The following SLC31A2 variants were observed in gnomAD, a reference collection of about 807,000 sequenced individuals.
The protein encoded by SLC31A2 is protein SLC31A2.
SLC31A2 carries 16 observed loss-of-function variants against 14.4 expected under a neutral mutation model. The ratio of observed to expected loss-of-function variants is 1.11; its 90% CI spans 0.75 to 1.69. SLC31A2 has a LOEUF of 1.69. SLC31A2 is among the 40% of genes most tolerant of loss of function. The probability of loss-of-function intolerance (pLI) is 0.00; values close to 1 mark genes in which losing one functional copy is unlikely to be tolerated. For synonymous variants in SLC31A2, 56 were observed against 68.7 expected, an observed-to-expected ratio of 0.82 and a Z score of 0.91; for missense variants, 140 against 173.9, an observed-to-expected ratio of 0.81 and a Z score of 1.10.
intron 2 of SLC31A2, 39 bp from the exon 3 acceptor site, chr9:113,161,470 G>A: frequency 1.3e-6 from 2 of 1,598,704 alleles, no homozygotes; most frequent in Non-Finnish European, 1.7e-6. Context: ...AAACAGTGCT[G>A]GCCTGGCCAG....
Position 113,162,985 on chromosome 9 carries a change from C to A in SLC31A2, c.*68C>A. ...GCCCCCTCTTCCAGACACTATACTTCCAACTGCCCTTTCTTCTGATGGCTA... is the reference window on the plus strand; with the variant it reads ...GCCCCCTCTTCCAGACACTATACTTACAACTGCCCTTTCTTCTGATGGCTA... On this transcript the variant is annotated 3_prime_UTR_variant, in exon 4 of 4. Transcript: ENST00000259392. The A allele has an allele frequency of 7.3e-7, 1 of 1,368,868 alleles. No individual in the cohort carries two copies. The highest frequency in any genetic ancestry group is 9.8e-7 in the Non-Finnish European group (1 of 1,024,654). 84.8% of individuals were successfully genotyped at this position (1,368,868 alleles called of 1,614,324 possible).
Position 113,161,657 on chromosome 9 carries a change from T to C in SLC31A2, c.222T>C (p.Ser74=). 6.2e-7 allele frequency: 1 copy of C among 1,614,000 alleles called. No homozygotes were observed. Among genetic ancestry groups the C allele is most frequent in the Non-Finnish European group, 8.5e-7 (1 of 1,179,888 alleles). ...CCATCGCAGAGACAGACGGGGACTC[T>C]GCAGGCTCAGATTCATTCCCTGTTG... ...QQTIAETDGD[S]AGSDSFPVGR... Residue 74 remains serine, a synonymous_variant, in exon 3 of 4, where the codon TCT becomes TCC. Coordinates refer to ENST00000259392, the MANE Select transcript of SLC31A2 (RefSeq NM_001860.3).
intron 1 of SLC31A2, among the ~76,000 whole-genome samples, chr9:113,154,367 T>G (rs1273741034): frequency 2.6e-5 from 4 of 152,136 alleles, no homozygotes; most frequent in African/African-American, 4.8e-5. Flanking sequence ...ACGCAGCTGG[T>G]TCCTGGCAGA....
chr9:113,158,150 ACCTC>A (rs911845942), intron 2 of SLC31A2: 1 of 478,478 alleles, frequency 2.1e-6, no homozygotes, highest in Non-Finnish European at 4.3e-6. Flanking sequence ...GTCACCTGGC[ACCTC>A]CCTTATCCAG....
intron 2 of SLC31A2, among the ~76,000 whole-genome samples, chr9:113,158,609 G>C (rs7855105): frequency 0.32 from 48,235 of 152,096 alleles, 7,828 homozygotes; most frequent in Non-Finnish European, 0.33. Flanking sequence ...TGTTAGCTAG[G>C]ACCTCAGCTG....
intron 3 of SLC31A2, 107 bp from the exon 4 acceptor site, chr9:113,162,642 T>A (rs1830032408): frequency 9.7e-7 from 1 of 1,030,002 alleles, no homozygotes. Flanking sequence ...AAGTTATAAA[T>A]CAATCGGGTC....
At position 113,161,499 on chromosome 9, in the gene SLC31A2, C is replaced by T. The variant is rs1384438708; in HGVS notation, c.74-10C>T. On this transcript the variant is annotated splice_polypyrimidine_tract_variant and intron_variant, in intron 2 of 3. Transcript: ENST00000259392. ...TGGCCAGGTCTCCACAACTCTGCCT[C>T]CTTTGACAGGCATGGCCCTTTCGGT... The T allele has an allele frequency of 6.8e-6, 11 of 1,613,576 alleles. No homozygotes were observed. Among genetic ancestry groups the T allele is most frequent in the Non-Finnish European group, 9.3e-6 (11 of 1,179,734 alleles).
chr9:113,159,734 T>A (rs1369005261), intron 2 of SLC31A2, among the ~76,000 whole-genome samples: 2 of 152,212 alleles, frequency 1.3e-5, no homozygotes, highest in Non-Finnish European at 2.9e-5. Flanking sequence ...CCCACAAGGC[T>A]GCCCCCTGCT....
intron 2 of SLC31A2, among the ~76,000 whole-genome samples, chr9:113,158,355 G>C (rs770914957): frequency 6.6e-6 from 1 of 152,110 alleles, no homozygotes; most frequent in Admixed American, 6.6e-5. Context: ...CCATTATTGC[G>C]GGTGCAGATT....
rs1829861897 is a variant in SLC31A2 at position 113,151,370 on chromosome 9, AAGACAGC to A, written c.6+291_6+297del. Reference sequence around the variant, plus strand: ...CTTGAGAGTGGGGGCGCGGTGGCTGAAGACAGCTGGGTCCGGGGCCCCCGGCCCCGGA... The same window carrying A: ...CTTGAGAGTGGGGGCGCGGTGGCTGATGGGTCCGGGGCCCCCGGCCCCGGA... On this transcript the variant is annotated intron_variant, in intron 1 of 3. Transcript: ENST00000259392. This position sits in a 1 kb window ranked among gnomAD's most constrained non-coding sequence, Gnocchi z 4.2. 6.6e-6 allele frequency among the ~76,000 whole-genome samples: 1 copy of A among 151,874 alleles called. No homozygotes were observed.
At position 113,151,820 on chromosome 9, in the gene SLC31A2, G is replaced by T. The variant is rs1829870354; in HGVS notation, c.6+740G>T. On this transcript the variant is annotated intron_variant, in intron 1 of 3. Coordinates refer to ENST00000259392, the MANE Select transcript of SLC31A2 (RefSeq NM_001860.3). The surrounding 1 kb of genome is among the most constrained non-coding windows in gnomAD (Gnocchi z 4.2). ...CTACAAAAATTAGCCACAAGTGGTG[G>T]CAGGCGCCTGTAATCCCAGCTACTC... 1 of 152,200 alleles carries T rather than the reference G, an allele frequency of 6.6e-6. No homozygotes were observed. Among genetic ancestry groups the T allele is most frequent in the South Asian group, 2.1e-4 (1 of 4,822 alleles). The allele number at this position is 152,200 out of a possible 1,614,324, so 9.4% of individuals were successfully genotyped here. A position where few individuals can be genotyped will look rare whatever the true frequency, so the allele number is the denominator to read the frequency against.
Position 113,157,783 on chromosome 9 carries a change from C to T in SLC31A2, c.63C>T (p.His21=). The part of the protein sequence containing the change: ...AVLLFDFWSV[H]SPAGMALSVL... ...TTCTGTTTGATTTCTGGAGTGTCCA[C>T]AGTCCTGCTGGTAAGAATTGGGGAC... The change falls in exon 2 of 4, where the codon CAC becomes CAT. Residue 21 remains histidine, a synonymous_variant. Coordinates refer to ENST00000259392, the MANE Select transcript of SLC31A2 (RefSeq NM_001860.3). 2 of 1,612,666 alleles carry T rather than the reference C, an allele frequency of 1.2e-6. No individual in the cohort carries two copies. The highest frequency in any genetic ancestry group is 8.5e-7 in the Non-Finnish European group (1 of 1,179,134).
chr9:113,161,902 C>A, intron 3 of SLC31A2: 1 of 681,416 alleles, frequency 1.5e-6, no homozygotes, highest in Admixed American at 2.3e-5. Flanking sequence ...TGTGAACAGC[C>A]AGCCACTTGA....
chr9:113,162,705 A>G lies in SLC31A2; in HGVS notation c.264-44A>G, dbSNP rs757764346. The G allele has an allele frequency of 4.5e-6, 7 of 1,567,246 alleles. No individual in the cohort carries two copies. In the African/African-American group the frequency reaches 8.1e-5, roughly 18 times the overall value. ...GATATCTACTCCCAGCTTCCTCATT[A>G]CCAGCTCATTACCAGGATTAACTTG... On this transcript the variant is annotated intron_variant, in intron 3 of 3. Coordinates refer to ENST00000259392, the MANE Select transcript of SLC31A2 (RefSeq NM_001860.3).
At chr9:113,158,961 A>G (rs1042894420) in intron 2 of SLC31A2, among the ~76,000 whole-genome samples, 1 of 152,176 alleles carries the variant, frequency 6.6e-6, no homozygotes, top group Admixed American at 6.5e-5. Context: ...CACTGGGGAA[A>G]AGGTAAATCT....
At chr9:113,156,869 G>T (rs1220830768) in intron 1 of SLC31A2, among the ~76,000 whole-genome samples, 1 of 152,208 alleles carries the variant, frequency 6.6e-6, no homozygotes, top group African/African-American at 2.4e-5. Context: ...AATCCAGCTA[G>T]ACTCAGGTTT....
At position 113,159,420 on chromosome 9, in the gene SLC31A2, A is replaced by G. The variant is rs577207833; in HGVS notation, c.73+1627A>G. On this transcript the variant is annotated intron_variant, in intron 2 of 3. Coordinates refer to ENST00000259392, the MANE Select transcript of SLC31A2 (RefSeq NM_001860.3). ...AGTGCTGGGATTACAGGCATGAGCT[A>G]CCACACCCGGCCTGAATTTTCATTG... 5.9e-5 allele frequency among the ~76,000 whole-genome samples: 9 copies of G among 152,272 alleles called. No homozygotes were observed. In the East Asian group the frequency reaches 1.7e-3, roughly 29 times the overall value.
rs962095213 is a variant in SLC31A2 at position 113,163,359 on chromosome 9, A to G, written c.*442A>G. ...GGAGCATCGCCCATTGGACTTCCTG[A>G]CCTCTTCTGTCTTTGAGGGACAGAG... On this transcript the variant is annotated 3_prime_UTR_variant, in exon 4 of 4. Coordinates refer to ENST00000259392, the MANE Select transcript of SLC31A2 (RefSeq NM_001860.3). The G allele has an allele frequency of 2.0e-5, 3 of 153,588 alleles. No homozygotes were observed. The highest frequency in any genetic ancestry group is 7.2e-5 in the African/African-American group (3 of 41,466). The allele number at this position is 153,588 out of a possible 1,614,324, so 9.5% of individuals were successfully genotyped here.
In SLC31A2 at chr9:113,163,905, C is replaced by CTGAT. The variant is rs944907868; in HGVS notation, c.*990_*993dup. On this transcript the variant is annotated 3_prime_UTR_variant, in exon 4 of 4. Transcript: ENST00000259392. ...AAACATGATTCATTCACTTAAAATA[C>CTGAT]TGATTAAGCCATGGGCAGGTACTGA... is the stretch of plus-strand genomic sequence containing the variant. The CTGAT allele has an allele frequency of 5.3e-5, 3 of 56,730 alleles. No individual in the cohort carries two copies. The highest frequency in any genetic ancestry group is 1.9e-4 in the African/African-American group (3 of 15,836). The allele number at this position is 56,730 out of a possible 1,614,324, so 3.5% of individuals were successfully genotyped here. A position where few individuals can be genotyped will look rare whatever the true frequency, so the allele number is the denominator to read the frequency against.
Sources: allele counts gnomAD v4.1 joint callset (sites outside exome capture counted in the v4.1 genomes callset), GRCh38; gene constraint gnomAD v4.1.1; non-coding constraint Gnocchi (gnomAD v3.1); transcripts MANE v1.5; gene names NCBI Gene and HGNC (gene_info 2026-07-23, HGNC 2026-07-21).